Variants in KCNC2 observed in about 807,000 individuals in gnomAD.
KCNC2 encodes the protein potassium voltage-gated channel subfamily C member 2.
Under a neutral mutation model 44.5 loss-of-function variants are expected in KCNC2, and 21 were observed. That is an observed-to-expected ratio of 0.47 (90% confidence interval 0.33 to 0.68). KCNC2 has a LOEUF of 0.68. KCNC2 is among the 30% of genes least tolerant of loss of function. The probability of loss-of-function intolerance (pLI) is 0.01; values close to 1 mark genes in which losing one functional copy is unlikely to be tolerated. For synonymous variants in KCNC2, 391 were observed against 339.1 expected (o/e 1.15, Z -1.68); for missense variants, 589 against 826.2 (o/e 0.71, Z 3.52).
At chr12:75,117,358 G>A (rs1422856091) in intron 2 of KCNC2, among the ~76,000 whole-genome samples, 1 of 152,144 alleles carries the variant, frequency 6.6e-6, no homozygotes, top group East Asian at 1.9e-4. Flanking sequence ...CCACCAATGG[G>A]ATAGCAGACA....
intron 2 of KCNC2, among the ~76,000 whole-genome samples, chr12:75,168,365 A>G (rs1024766788): frequency 6.6e-6 from 1 of 151,446 alleles, no homozygotes; most frequent in Non-Finnish European, 1.5e-5. Flanking sequence ...TCCCAGCCCT[A>G]TTTTGAAAAC....
At chr12:75,146,143 A>T (rs568212402) in intron 2 of KCNC2, among the ~76,000 whole-genome samples, 1 of 152,078 alleles carries the variant, frequency 6.6e-6, no homozygotes, top group African/African-American at 2.4e-5. Flanking sequence ...TCTAGTAGAG[A>T]CGAGATTTCA....
chr12:75,071,792 C>G (rs982822169), intron 2 of KCNC2, among the ~76,000 whole-genome samples: 2 of 151,844 alleles, frequency 1.3e-5, no homozygotes, highest in Non-Finnish European at 2.9e-5. Flanking sequence ...CAAAAATTAG[C>G]CAGGTTTGGT....
intron 2 of KCNC2, among the ~76,000 whole-genome samples, chr12:75,104,562 G>A (rs183353904): frequency 6.6e-6 from 1 of 151,992 alleles, no homozygotes; most frequent in East Asian, 1.9e-4. Flanking sequence ...GAGTTCAGTA[G>A]CCGCCAATAT....
chr12:75,066,226 G>A (rs905236790), intron 2 of KCNC2, among the ~76,000 whole-genome samples: 1 of 151,794 alleles, frequency 6.6e-6, no homozygotes, highest in African/African-American at 2.4e-5. Context: ...GCTTTGTTAT[G>A]TTCTGCTCAA....
At chr12:75,184,217 C>T (rs7132692) in intron 2 of KCNC2, among the ~76,000 whole-genome samples, 11,869 of 152,070 alleles carry the variant, frequency 0.078, 536 homozygotes, top group Admixed American at 0.14. Context: ...CTCTGTGTGG[C>T]GTCATTAACT....
At position 75,194,990 on chromosome 12, in the gene KCNC2, G is replaced by A. The variant is rs543805716; in HGVS notation, c.687+12307C>T. On this transcript the variant is annotated intron_variant, in intron 2 of 4. Coordinates refer to ENST00000549446, the MANE Select transcript of KCNC2 (RefSeq NM_139137.4). The stretch of plus-strand genomic sequence containing the variant: ...TCTTTCTTCTACTTTTCTACAGTGA[G>A]TTTTATGTAAAGCAATTTTCCAAAG... 1.3e-4 allele frequency among the ~76,000 whole-genome samples: 20 copies of A among 152,146 alleles called. No homozygotes were observed. In the South Asian group the frequency reaches 2.5e-3, roughly 19 times the overall value.
rs114234742 is a variant in KCNC2 at position 75,141,666 on chromosome 12, G to A, written c.687+65631C>T. Among the ~76,000 whole-genome samples, 1,205 of 152,080 alleles carry A rather than the reference G, an allele frequency of 7.9e-3. 16 individuals are homozygous for A. Among genetic ancestry groups the A allele is most frequent in the African/African-American group, 0.027 (1,141 of 41,498 alleles). On this transcript the variant is annotated intron_variant, in intron 2 of 4. Coordinates refer to ENST00000549446, the MANE Select transcript of KCNC2 (RefSeq NM_139137.4). The stretch of plus-strand genomic sequence containing the variant: ...GAATCCATCTTCTTACTTTCAATGC[G>A]ATGTTTCCATGTTTGAGTAATGTTG...
At chr12:75,112,031 T>C (rs1472819590) in intron 2 of KCNC2, among the ~76,000 whole-genome samples, 5 of 151,986 alleles carry the variant, frequency 3.3e-5, no homozygotes, top group African/African-American at 9.7e-5. Flanking sequence ...CAGTTTATAC[T>C]AGATTTTGTA....
chr12:75,084,261 T>C (rs867768632), intron 2 of KCNC2, among the ~76,000 whole-genome samples: 24 of 73,958 alleles, frequency 3.2e-4, no homozygotes, highest in Middle Eastern at 0.013. Flanking sequence ...TGATGATAGA[T>C]AGATAGATTA....
At chr12:75,046,967 C>T (rs1027488815) in intron 4 of KCNC2, among the ~76,000 whole-genome samples, 15 of 151,836 alleles carry the variant, frequency 9.9e-5, no homozygotes, top group African/African-American at 3.6e-4. Context: ...AAGAGATTCA[C>T]AAAATAAATA....
At chr12:75,194,605 C>A (rs1355729770) in intron 2 of KCNC2, among the ~76,000 whole-genome samples, 1 of 151,982 alleles carries the variant, frequency 6.6e-6, no homozygotes, top group East Asian at 1.9e-4. Context: ...TATAAAGTGA[C>A]GTGGAAACTC....
At position 75,149,709 on chromosome 12, in the gene KCNC2, G is replaced by A. The variant is rs562835302; in HGVS notation, c.687+57588C>T. On this transcript the variant is annotated intron_variant, in intron 2 of 4. Transcript: ENST00000549446. ...CCCAGAATTTAAAGTAACACTGAAA[G>A]GATCTTAATTACCTGCTTTGAAAAA... 4.3e-4 allele frequency among the ~76,000 whole-genome samples: 65 copies of A among 151,040 alleles called. 1 individual carries two copies. Among genetic ancestry groups the A allele is most frequent in the Non-Finnish European group, 8.7e-4 (59 of 67,656 alleles).
chr12:75,159,082 C>G lies in KCNC2; in HGVS notation c.687+48215G>C, dbSNP rs537402834. ...GAGCTGAAAAATGAGAACACATGGACACAGGGAGGGGAACATCACACACCA... is the reference window on the plus strand; with the variant it reads ...GAGCTGAAAAATGAGAACACATGGAGACAGGGAGGGGAACATCACACACCA... On this transcript the variant is annotated intron_variant, in intron 2 of 4. Transcript: ENST00000549446. Among the ~76,000 whole-genome samples, 7 of 139,066 alleles carry G rather than the reference C, an allele frequency of 5.0e-5. No homozygotes were observed. In the Admixed American group the frequency reaches 5.6e-4, roughly 11 times the overall value. 91.2% of individuals were successfully genotyped at this position (139,066 alleles called of 152,430 possible).
chr12:75,054,215 G>A (rs909515595), intron 2 of KCNC2, among the ~76,000 whole-genome samples: 3 of 150,406 alleles, frequency 2.0e-5, no homozygotes, highest in African/African-American at 7.3e-5. Flanking sequence ...AACAGAGAGA[G>A]ACTCTGTCTC....
At chr12:75,103,719 G>T (rs1886555245) in intron 2 of KCNC2, among the ~76,000 whole-genome samples, 1 of 152,094 alleles carries the variant, frequency 6.6e-6, no homozygotes, top group Admixed American at 6.5e-5. Context: ...GCCTGAAACT[G>T]CAAATAGTAC....
At chr12:75,192,319 A>G (rs2030362804) in intron 2 of KCNC2, among the ~76,000 whole-genome samples, 2 of 152,232 alleles carry the variant, frequency 1.3e-5, no homozygotes, top group African/African-American at 2.4e-5. Context: ...CAGGACAATC[A>G]GTGCCATCTA....
At chr12:75,189,456 G>A (rs2094529042) in intron 2 of KCNC2, among the ~76,000 whole-genome samples, 1 of 152,148 alleles carries the variant, frequency 6.6e-6, no homozygotes, top group African/African-American at 2.4e-5. Context: ...AGCAGTAGAA[G>A]CCTTTGGGGT....
chr12:75,161,446 C>T (rs1003347065), intron 2 of KCNC2, among the ~76,000 whole-genome samples: 1 of 151,598 alleles, frequency 6.6e-6, no homozygotes, highest in African/African-American at 2.4e-5. Flanking sequence ...TGATTGATAC[C>T]TTTTAAATGA....
Sources: gnomAD v4.1 joint callset for allele counts (sites outside exome capture counted in the v4.1 genomes callset) on GRCh38, gnomAD v4.1.1 for gene constraint, MANE v1.5 for transcripts, NCBI Gene and HGNC (gene_info 2026-07-23, HGNC 2026-07-21) for gene names.